EPHA6: variants seen among roughly 807,000 people sequenced by gnomAD.
EPHA6 encodes ephrin type-A receptor 6.
EPHA6 carries 50 observed loss-of-function variants against 112.0 expected under a neutral mutation model. The ratio of observed to expected loss-of-function variants is 0.45; its 90% confidence interval spans 0.36 to 0.56. The LOEUF (loss-of-function observed/expected upper bound fraction) is 0.56, where lower values mean the gene tolerates loss of function less well. Among genes scored for constraint, EPHA6 ranks in the 20% least tolerant of loss-of-function variants. The pLI is 0.00. For synonymous variants in EPHA6, 529 were observed against 490.7 expected (o/e 1.08, Z -1.03); for missense variants, 1,280 against 1,417.4 (o/e 0.90, Z 1.56).
chr3:97,267,733 G>T (rs558328507), intron 5 of EPHA6, among the ~76,000 whole-genome samples: 20 of 152,260 alleles, frequency 1.3e-4, no homozygotes, highest in Admixed American at 1.1e-3. Context: ...ATAGGGTTAA[G>T]TTGGGGAAAT....
intron 14 of EPHA6, among the ~76,000 whole-genome samples, chr3:97,687,062 A>G (rs1438874426): frequency 6.6e-6 from 1 of 152,208 alleles, no homozygotes; most frequent in Admixed American, 6.5e-5. Flanking sequence ...TGGTGCATGA[A>G]GAGGACAAAT....
At chr3:97,590,581 T>C (rs2093533744) in intron 11 of EPHA6, among the ~76,000 whole-genome samples, 1 of 152,200 alleles carries the variant, frequency 6.6e-6, no homozygotes, top group Non-Finnish European at 1.5e-5. Context: ...CAAATTGCCT[T>C]TAATTTCATT....
At chr3:96,958,506 T>G (rs2041845176) in intron 2 of EPHA6, among the ~76,000 whole-genome samples, 1 of 152,178 alleles carries the variant, frequency 6.6e-6, no homozygotes, top group Non-Finnish European at 1.5e-5. Context: ...TAAATACTAT[T>G]AATAATATTG....
chr3:97,100,766 A>T (rs565366174), intron 3 of EPHA6, among the ~76,000 whole-genome samples: 2 of 151,898 alleles, frequency 1.3e-5, no homozygotes, highest in African/African-American at 2.4e-5. Context: ...GTTTCCTATT[A>T]TTTCCCATTT....
At chr3:97,384,635 T>G (rs2085952084) in intron 5 of EPHA6, among the ~76,000 whole-genome samples, 1 of 152,246 alleles carries the variant, frequency 6.6e-6, no homozygotes, top group South Asian at 2.1e-4. Context: ...AATAAACTTT[T>G]GAAAGGTTAA....
intron 12 of EPHA6, among the ~76,000 whole-genome samples, chr3:97,604,389 A>G (rs2107427009): frequency 6.6e-6 from 1 of 151,890 alleles, no homozygotes; most frequent in South Asian, 2.1e-4. Context: ...CTGGAAGTTT[A>G]CTGCATCATA....
intron 6 of EPHA6, among the ~76,000 whole-genome samples, chr3:97,442,790 C>G (rs550728838): frequency 6.6e-6 from 1 of 152,158 alleles, no homozygotes; most frequent in South Asian, 2.1e-4. Flanking sequence ...CCAGGTAGAA[C>G]TCATTTTTAA....
Position 97,155,757 on chromosome 3 carries a change from T to C in EPHA6, c.1115-70507T>C, listed in dbSNP as rs561317628. On this transcript the variant is annotated intron_variant, in intron 3 of 17. Coordinates refer to ENST00000389672, the MANE Select transcript of EPHA6 (RefSeq NM_001080448.3). Reference sequence around the variant, plus strand: ...CTGTCATCCAGGGACCAATTTTAGCTCCTCGAGGACTCCCAGGCCCTTGCA... The same window carrying C: ...CTGTCATCCAGGGACCAATTTTAGCCCCTCGAGGACTCCCAGGCCCTTGCA... Among the ~76,000 whole-genome samples the C allele has an allele frequency of 3.9e-5, 6 of 152,214 alleles. No individual in the cohort carries two copies. The South Asian group carries it at 1.2e-3, about 32-fold the overall frequency.
intron 3 of EPHA6, among the ~76,000 whole-genome samples, chr3:97,182,024 C>T (rs1040732117): frequency 6.6e-6 from 1 of 151,980 alleles, no homozygotes; most frequent in African/African-American, 2.4e-5. Context: ...AGTATAACTG[C>T]CAAAGGTTGT....
At chr3:97,534,646 G>A (rs762289868) in intron 11 of EPHA6, among the ~76,000 whole-genome samples, 1 of 152,020 alleles carries the variant, frequency 6.6e-6, no homozygotes, top group Non-Finnish European at 1.5e-5. Context: ...AATTTGGAAA[G>A]AGCCAGCTAT....
At chr3:97,002,680 C>T (rs1183110155) in intron 3 of EPHA6, among the ~76,000 whole-genome samples, 2 of 151,648 alleles carry the variant, frequency 1.3e-5, no homozygotes, top group Non-Finnish European at 1.5e-5. Flanking sequence ...AATATATATA[C>T]TATGTTCTTG....
intron 2 of EPHA6, among the ~76,000 whole-genome samples, chr3:96,963,160 CAAAAAAAAA>C (rs376176100): frequency 3.5e-5 from 3 of 85,680 alleles, no homozygotes; most frequent in South Asian, 8.8e-4. Flanking sequence ...AAACTGCATC[CAAAAAAAAA>C]AAAAAAAAAG....
intron 5 of EPHA6, among the ~76,000 whole-genome samples, chr3:97,376,424 T>A (rs2085359996): frequency 6.6e-6 from 1 of 152,182 alleles, no homozygotes; most frequent in Non-Finnish European, 1.5e-5. Context: ...TTTCTCTTTA[T>A]CTACAAATCA....
rs1270587912 is a variant in EPHA6 at position 96,855,149 on chromosome 3, A to G, written c.386-11676A>G. On this transcript the variant is annotated intron_variant, in intron 1 of 17. Transcript: ENST00000389672. ...TTCTTCTGGAGTCACATCTTCCACT[A>G]GTTCTCTGTCTCTCTCTTCTACTTT... 2.6e-5 allele frequency among the ~76,000 whole-genome samples: 4 copies of G among 152,100 alleles called. No homozygotes were observed. The East Asian group carries it at 7.7e-4, about 29-fold the overall frequency.
intron 15 of EPHA6, among the ~76,000 whole-genome samples, chr3:97,723,069 A>G (rs1471376475): frequency 6.6e-6 from 1 of 152,194 alleles, no homozygotes. Context: ...AGAAATATTT[A>G]TTATATTTTT....
At chr3:96,887,267 T>G (rs148735309) in intron 2 of EPHA6, among the ~76,000 whole-genome samples, 2,108 of 152,290 alleles carry the variant, frequency 0.014, 23 homozygotes, top group Middle Eastern at 0.027. Context: ...CAGATTCTTT[T>G]GTCCCATGGG....
intron 3 of EPHA6, among the ~76,000 whole-genome samples, chr3:97,054,958 TC>T (rs1294950795): frequency 1.1e-4 from 16 of 152,024 alleles, no homozygotes; most frequent in Admixed American, 1.0e-3. Context: ...CTTAAAAATT[TC>T]CCCCCTTTGG....
At chr3:97,371,169 T>C (rs1232279450) in intron 5 of EPHA6, among the ~76,000 whole-genome samples, 3 of 152,170 alleles carry the variant, frequency 2.0e-5, no homozygotes, top group East Asian at 1.9e-4. Flanking sequence ...TTAGGTAATA[T>C]GTTTTATGCT....
chr3:97,263,598 G>T (rs1332719476), intron 5 of EPHA6, among the ~76,000 whole-genome samples: 1 of 151,628 alleles, frequency 6.6e-6, no homozygotes, highest in Non-Finnish European at 1.5e-5. Context: ...TTTCAATAAA[G>T]AATCTAATAA....
Sources: allele counts gnomAD v4.1 joint callset (sites outside exome capture counted in the v4.1 genomes callset), GRCh38; gene constraint gnomAD v4.1.1; transcripts MANE v1.5; gene names NCBI Gene and HGNC (gene_info 2026-07-23, HGNC 2026-07-21).